NOC3L: variants seen among roughly 807,000 people sequenced by gnomAD.
NOC3L encodes the protein NOC3 like DNA replication regulator.
Under a neutral mutation model 102.5 loss-of-function variants are expected in NOC3L, and 85 were observed. The observed-to-expected ratio is 0.83, with a 90% confidence interval of 0.70 to 0.99. The LOEUF is 0.99. NOC3L is among the 50% of genes least tolerant of loss of function. The pLI, the probability that NOC3L is intolerant of heterozygous loss-of-function variation, is 0.00. For synonymous variants in NOC3L, 303 were observed against 309.4 expected (o/e 0.98, Z 0.22); for missense variants, 878 against 914.9 (o/e 0.96, Z 0.52).
chr10:94,322,751 C>T, the NOC3L span, among the ~76,000 whole-genome samples: 11 of 151,398 alleles, frequency 7.3e-5, no homozygotes, highest in South Asian at 2.1e-4. Context: ...TGCCATTGCG[C>T]GTCAGCCTGG....
At chr10:94,346,257 A>ACTT (rs1564912794) in intron 11 of NOC3L, among the ~76,000 whole-genome samples, 168 bp downstream of exon 11, 2 of 152,208 alleles carry the variant, frequency 1.3e-5, no homozygotes, top group African/African-American at 4.8e-5. Flanking sequence ...AACTGATTTA[A>ACTT]GAAAACATTT....
At chr10:94,334,772 A>T in intron 19 of NOC3L, 54 bp from the exon 20 acceptor site, 11 of 1,199,332 alleles carry the variant, frequency 9.2e-6, no homozygotes, top group Non-Finnish European at 1.4e-5. Context: ...TGTAACTCAA[A>T]AATAATTAGA....
downstream of NOC3L, chr10:94,331,166 C>T (rs1295082903): frequency 6.6e-6 from 1 of 152,170 alleles, no homozygotes. Context: ...AGTCTAGACT[C>T]AACAAAAGTT....
At position 94,355,146 on chromosome 10, in the gene NOC3L, G is replaced by A. The variant is rs1202364085; in HGVS notation, c.566-53C>T. ...TATTCCTCTGCTTACAAGTATCCAA[G>A]AATCTTAATAAAATATTTTTACAGT... On this transcript the variant is annotated intron_variant, in intron 5 of 20. Coordinates refer to ENST00000371361, the MANE Select transcript of NOC3L (RefSeq NM_022451.11). 34 of 1,451,412 alleles carry A rather than the reference G, an allele frequency of 2.3e-5. No homozygotes were observed. In the South Asian group the frequency reaches 4.3e-4, roughly 18 times the overall value. 89.9% of individuals were successfully genotyped at this position (1,451,412 alleles called of 1,614,324 possible). A position where few individuals can be genotyped will look rare whatever the true frequency, so the allele number is the denominator to read the frequency against.
chr10:94,340,293 A>G lies in NOC3L; in HGVS notation c.1763T>C (p.Leu588Pro). 1 of 1,611,784 alleles carries G rather than the reference A, an allele frequency of 6.2e-7. No homozygotes were observed. The highest frequency in any genetic ancestry group is 8.5e-7 in the Non-Finnish European group (1 of 1,178,898). ...ATACATACCTGCATGTAATTTGAAC[A>G]GTGTTTTGTAGAGATGTGTGTAGAA... Reference protein sequence around the residue: ...LKFYTHLYKTLFKLHAGATNE... With the variant: ...LKFYTHLYKTPFKLHAGATNE... The change falls in exon 16 of 21, where the codon CTG (leucine) becomes CCG (proline). Residue 588 changes from leucine to proline, a missense_variant. By Grantham distance (98) the Leu-to-Pro change is moderately conservative (BLOSUM62 -3). Coordinates refer to ENST00000371361, the MANE Select transcript of NOC3L (RefSeq NM_022451.11).
At chr10:94,315,457 G>T in the NOC3L span, 3 of 456,072 alleles carry the variant, frequency 6.6e-6, no homozygotes, top group Non-Finnish European at 1.3e-5. Context: ...TCAGCCTTTT[G>T]TAGTAACCTG....
At position 94,362,846 on chromosome 10, in the gene NOC3L, C is replaced by T. The variant is rs761247389; in HGVS notation, c.-8G>A. ...GACACTTACCGCCTTCATCCTTAGG[C>T]CTTAAATGAATGCCGGCCAGACAAG... On this transcript the variant is annotated 5_prime_UTR_variant, in exon 1 of 21. Coordinates refer to ENST00000371361, the MANE Select transcript of NOC3L (RefSeq NM_022451.11). 23 of 1,613,938 alleles carry T rather than the reference C, an allele frequency of 1.4e-5. No homozygotes were observed. The highest frequency in any genetic ancestry group is 4.5e-5 in the East Asian group (2 of 44,896).
the NOC3L span, chr10:94,324,875 G>GTTCT: frequency 2.5e-6 from 4 of 1,613,044 alleles, no homozygotes; most frequent in South Asian, 1.1e-5. Context: ...CCAATGGAAG[G>GTTCT]TTCTTTGTTC....
At chr10:94,352,831 A>T in intron 7 of NOC3L, 65 bp downstream of exon 7, 1 of 1,449,126 alleles carries the variant, frequency 6.9e-7, no homozygotes, top group Non-Finnish European at 9.5e-7. Flanking sequence ...CAAAAAAAAA[A>T]AGTCTATCTC....
chr10:94,339,960 C>A, intron 16 of NOC3L, 40 bp from the exon 17 acceptor site: 1 of 1,552,406 alleles, frequency 6.4e-7, no homozygotes, highest in Non-Finnish European at 8.8e-7. Flanking sequence ...GTTCTCATTA[C>A]TTTTTCATTA....
At chr10:94,345,016 A>T in intron 11 of NOC3L, 83 bp from the exon 12 acceptor site, 1 of 858,758 alleles carries the variant, frequency 1.2e-6, no homozygotes, top group South Asian at 1.6e-5. Context: ...AAATGTCATA[A>T]AACACATACA....
In NOC3L at chr10:94,338,729, G is replaced by A. The variant is rs764263288; in HGVS notation, c.1970C>T (p.Pro657Leu). 4 of 1,609,948 alleles carry A rather than the reference G, an allele frequency of 2.5e-6. No homozygotes were observed. Among genetic ancestry groups the A allele is most frequent in the African/African-American group, 2.7e-5 (2 of 74,686 alleles). The stretch of plus-strand genomic sequence containing the variant: ...ACTGTCAAGCAGTAGATCTGTTTTG[G>A]GGAAAGTCTGCAAAAATGTCACATA... ...ATTRILMHTF[P>L]KTDLLLDSES... Residue 657 changes from proline (P) to leucine (L), a missense_variant, in exon 18 of 21, where the codon CCC (proline) becomes CTC (leucine). Coordinates refer to ENST00000371361, the MANE Select transcript of NOC3L (RefSeq NM_022451.11).
intron 18 of NOC3L, 24 bp downstream of exon 18, chr10:94,338,584 G>A: frequency 6.8e-7 from 1 of 1,478,846 alleles, no homozygotes. Context: ...TCCCCAAAAA[G>A]AAAAAAACCA....
chr10:94,325,005 A>C, the NOC3L span: 1 of 1,614,212 alleles, frequency 6.2e-7, no homozygotes, highest in Non-Finnish European at 8.5e-7. Flanking sequence ...TCTTGACCTC[A>C]GAAAGTATCC....
chr10:94,341,620 T>G, intron 14 of NOC3L, 53 bp downstream of exon 14: 1 of 968,544 alleles, frequency 1.0e-6, no homozygotes, highest in East Asian at 3.0e-5. Context: ...GAAAAATTTT[T>G]AAAATAGTAA....
intron 8 of NOC3L, among the ~76,000 whole-genome samples, chr10:94,351,786 C>A (rs1246200031): frequency 1.3e-5 from 2 of 151,918 alleles, no homozygotes; most frequent in Non-Finnish European, 2.9e-5. Context: ...CCTCGGCCTC[C>A]AAAAGCACTG....
chr10:94,342,170 T>C (rs765106207), intron 13 of NOC3L, among the ~76,000 whole-genome samples: 1 of 152,194 alleles, frequency 6.6e-6, no homozygotes. Context: ...GAAAGAATAC[T>C]GGACCCCAGT....
chr10:94,326,238 G>A, the NOC3L span, among the ~76,000 whole-genome samples: 1 of 152,186 alleles, frequency 6.6e-6, no homozygotes, highest in African/African-American at 2.4e-5. Context: ...TTATGACAAT[G>A]AGGAACTTCT....
chr10:94,315,501 T>C, the NOC3L span: 3 of 455,818 alleles, frequency 6.6e-6, no homozygotes, highest in Non-Finnish European at 1.3e-5. Context: ...TTGGTAAAAC[T>C]ATAATGCCTG....
Sources: gnomAD v4.1 joint callset for allele counts (sites outside exome capture counted in the v4.1 genomes callset) on GRCh38, gnomAD v4.1.1 for gene constraint, MANE v1.5 for transcripts, NCBI Gene and HGNC (gene_info 2026-07-23, HGNC 2026-07-21) for gene names.